The following CDH23 variants were observed in gnomAD, a reference collection of about 807,000 sequenced individuals.
The protein encoded by CDH23 is cadherin related 23, also known as cadherin-23.
A neutral mutation model predicts 317.1 loss-of-function variants in CDH23; 189 were observed. The ratio of observed to expected loss-of-function variants is 0.60; its 90% CI spans 0.53 to 0.67. The LOEUF (loss-of-function observed/expected upper bound fraction) is 0.67, where lower values mean the gene tolerates loss of function less well. CDH23 is among the 30% of genes least tolerant of loss of function. CDH23 has a pLI of 0.00. For missense variants in CDH23, 4,401 were observed against 4,592.4 expected, an observed-to-expected ratio of 0.96 and a Z score of 1.20; for synonymous variants, 1,839 against 1,876.8, an observed-to-expected ratio of 0.98 and a Z score of 0.52.
At chr10:71,496,817 G>A in intron 3 of CDH23, among the ~76,000 whole-genome samples, 1 of 130,914 alleles carries the variant, frequency 7.6e-6, no homozygotes, top group Non-Finnish European at 1.7e-5. Context: ...CCTGATGTAT[G>A]TGGTCTGGTG....
chr10:71,680,586 A>G (rs1226173074), intron 17 of CDH23, among the ~76,000 whole-genome samples: 2 of 151,768 alleles, frequency 1.3e-5, no homozygotes, highest in Admixed American at 6.6e-5. Flanking sequence ...TGTCTCTACT[A>G]AAAATACAAA....
intron 12 of CDH23, 182 bp from the exon 13 acceptor site, chr10:71,645,649 T>C: frequency 1.3e-6 from 1 of 777,058 alleles, no homozygotes; most frequent in Non-Finnish European, 2.3e-6. Context: ...GGCCTAGACA[T>C]GGGTGGGTCA....
intron 47 of CDH23, among the ~76,000 whole-genome samples, chr10:71,792,375 C>T (rs1221749840): frequency 6.6e-6 from 1 of 151,780 alleles, no homozygotes; most frequent in African/African-American, 2.4e-5. Context: ...ATGAAGAAAA[C>T]TTAGGTGAAT....
rs748476728 is a variant in CDH23 at position 71,716,217 on chromosome 10, C to T, written c.3369+3404C>T. ...AGCAGGAGGAAGATGCAGGCCAGGG[C>T]GATGAGCATGGGGAGGGGGTCAGTT... On this transcript the variant is annotated intron_variant, in intron 28 of 69. Transcript: ENST00000224721. 42 of 1,550,606 alleles carry T rather than the reference C, an allele frequency of 2.7e-5. No individual in the cohort carries two copies. In the East Asian group the frequency reaches 7.6e-4, roughly 28 times the overall value.
At chr10:71,477,594 A>T (rs1851861124) in intron 3 of CDH23, among the ~76,000 whole-genome samples, 2 of 152,142 alleles carry the variant, frequency 1.3e-5, no homozygotes. Flanking sequence ...GTCCAGCTCC[A>T]AAAACCTCCT....
At chr10:71,773,349 C>T (rs745459403) in intron 38 of CDH23, 4 of 1,603,490 alleles carry the variant, frequency 2.5e-6, no homozygotes, top group Non-Finnish European at 3.4e-6. Flanking sequence ...CCGCCTCCCC[C>T]GACCTTACCT....
At chr10:71,723,482 G>A (rs868789038) in intron 28 of CDH23, among the ~76,000 whole-genome samples, 3 of 152,162 alleles carry the variant, frequency 2.0e-5, no homozygotes, top group African/African-American at 2.4e-5. Flanking sequence ...CAGCCAGGCC[G>A]ATCTGAAGCT....
intron 3 of CDH23, among the ~76,000 whole-genome samples, chr10:71,447,546 T>C (rs1284419969): frequency 1.3e-5 from 2 of 152,082 alleles, no homozygotes; most frequent in East Asian, 1.9e-4. Flanking sequence ...TAGCACTTTG[T>C]TCCTGGGGGC....
intron 1 of CDH23, among the ~76,000 whole-genome samples, chr10:71,419,227 C>T (rs938988667): frequency 7.9e-5 from 12 of 152,104 alleles, no homozygotes; most frequent in African/African-American, 2.9e-4. Flanking sequence ...CTTTCTTCTC[C>T]TTAGGTGGGC....
chr10:71,760,992 G>A (rs1840367776), intron 38 of CDH23: 1 of 1,509,026 alleles, frequency 6.6e-7, no homozygotes, highest in Non-Finnish European at 9.2e-7. Flanking sequence ...GCTTGTCCAG[G>A]CCAGTGTCCC....
At chr10:71,796,062 A>T (rs1454381612) in intron 48 of CDH23, 8 of 987,200 alleles carry the variant, frequency 8.1e-6, no homozygotes, top group Non-Finnish European at 8.4e-6. Flanking sequence ...GAGGAGGAGG[A>T]GGAGGAGGCG....
At position 71,705,183 on chromosome 10, in the gene CDH23, G is replaced by A. The variant is rs948968194; in HGVS notation, c.2953+53G>A. 4.6e-6 allele frequency: 7 copies of A among 1,521,784 alleles called. No homozygotes were observed. In the Admixed American group the frequency reaches 7.7e-5, roughly 17 times the overall value. The allele number at this position is 1,521,784 out of a possible 1,614,324, so 94.3% of individuals were successfully genotyped here. ...GTGCTCAGTGTGTGGGCACAGGCCTGGGTCAGGGGCAGGGGTAGAGGGGAG... is the reference window on the plus strand; with the variant it reads ...GTGCTCAGTGTGTGGGCACAGGCCTAGGTCAGGGGCAGGGGTAGAGGGGAG... On this transcript the variant is annotated intron_variant, in intron 25 of 69. Coordinates refer to ENST00000224721, the MANE Select transcript of CDH23 (RefSeq NM_022124.6).
intron 9 of CDH23, among the ~76,000 whole-genome samples, chr10:71,603,653 G>GCTCAC (rs1178499122): frequency 2.0e-5 from 3 of 152,288 alleles, no homozygotes; most frequent in African/African-American, 4.8e-5. Context: ...TCCTCACCTT[G>GCTCAC]CTCACCTCCT....
intron 11 of CDH23, among the ~76,000 whole-genome samples, chr10:71,627,039 G>C (rs1229126637): frequency 1.3e-5 from 2 of 152,078 alleles, no homozygotes; most frequent in Non-Finnish European, 2.9e-5. Flanking sequence ...TGGTGACTCT[G>C]ACCTCGCAGC....
At chr10:71,427,250 A>AGAAAGAAAGAAAGG (rs1564573036) in intron 1 of CDH23, among the ~76,000 whole-genome samples, 51 of 140,312 alleles carry the variant, frequency 3.6e-4, no homozygotes, top group African/African-American at 1.4e-3. Flanking sequence ...AGAAAGGGAA[A>AGAAAGAAAGAAAGG]GAAAGAAAGA....
At chr10:71,695,184 A>G (rs762419042) in intron 21 of CDH23, among the ~76,000 whole-genome samples, 2 of 152,196 alleles carry the variant, frequency 1.3e-5, no homozygotes, top group African/African-American at 2.4e-5. Context: ...AGGGCTTATC[A>G]CATCCATTCC....
rs1331585189 is a variant in CDH23 at position 71,679,530 on chromosome 10, AG to A, written c.1858+41del. The A allele has an allele frequency of 2.7e-6, 4 of 1,473,006 alleles. No individual in the cohort carries two copies. The South Asian group carries it at 3.6e-5, about 13-fold the overall frequency. 91.2% of individuals were successfully genotyped at this position (1,473,006 alleles called of 1,614,324 possible). ...CAGAACTCGGGGCCCAGCCAGGAGG[AG>A]GGCTGGGGGGCTCTCTGCACTCACA... On this transcript the variant is annotated intron_variant, in intron 17 of 69. Transcript: ENST00000224721.
At chr10:71,529,464 C>G (rs192362561) in intron 6 of CDH23, among the ~76,000 whole-genome samples, 24 of 152,268 alleles carry the variant, frequency 1.6e-4, no homozygotes, top group African/African-American at 5.8e-4. Flanking sequence ...GCGGGGTGGC[C>G]TTGTCTGGAG....
chr10:71,464,240 G>A (rs1353120063), intron 3 of CDH23, among the ~76,000 whole-genome samples: 1 of 152,192 alleles, frequency 6.6e-6, no homozygotes, highest in East Asian at 1.9e-4. Flanking sequence ...GCACCTATAA[G>A]GTGCCAGGTG....
Sources: allele counts gnomAD v4.1 joint callset (sites outside exome capture counted in the v4.1 genomes callset), GRCh38; gene constraint gnomAD v4.1.1; transcripts MANE v1.5; gene names NCBI Gene and HGNC (gene_info 2026-07-23, HGNC 2026-07-21).